Variants in DNAH9 observed in about 807,000 individuals in gnomAD.
The protein encoded by DNAH9 is DNAH9 variant protein.
Under a neutral mutation model 471.6 loss-of-function variants are expected in DNAH9, and 345 were observed. The ratio of observed to expected loss-of-function variants is 0.73; its 90% confidence interval spans 0.67 to 0.80. The LOEUF is 0.80. DNAH9 is among the 30% of genes least tolerant of loss of function. The pLI, the probability that DNAH9 is intolerant of heterozygous loss-of-function variation, is 0.00. For synonymous variants in DNAH9, 2,093 were observed against 2,123.6 expected (o/e 0.99, Z 0.40); for missense variants, 5,407 against 5,609.2 (o/e 0.96, Z 1.15).
At chr17:11,792,508 C>T (rs186311190) in intron 41 of DNAH9, among the ~76,000 whole-genome samples, 1 of 152,208 alleles carries the variant, frequency 6.6e-6, no homozygotes, top group East Asian at 1.9e-4. Context: ...GTGGTCTCCA[C>T]CTTTCAGTAA....
chr17:11,647,259 A>G, intron 12 of DNAH9, 61 bp downstream of exon 12: 2 of 1,517,990 alleles, frequency 1.3e-6, no homozygotes, highest in Non-Finnish European at 1.8e-6. Flanking sequence ...AACTCTGCTG[A>G]TTTCAAAAGC....
At chr17:11,841,721 C>A (rs1971040946) in intron 49 of DNAH9, among the ~76,000 whole-genome samples, 2 of 152,004 alleles carry the variant, frequency 1.3e-5, no homozygotes, top group African/African-American at 4.8e-5. Context: ...TCCTTGTGGG[C>A]AAATTGTGAG....
intron 48 of DNAH9, among the ~76,000 whole-genome samples, chr17:11,826,827 T>C (rs1015436578): frequency 4.9e-5 from 7 of 142,942 alleles, no homozygotes; most frequent in Admixed American, 2.8e-4. Flanking sequence ...TTTCTTTTTT[T>C]TTTTTTTTTT....
At chr17:11,762,758 G>GTTTTTTTTTTTTTTTTTTT (rs111963634) in intron 35 of DNAH9, among the ~76,000 whole-genome samples, 31 of 94,760 alleles carry the variant, frequency 3.3e-4, no homozygotes, top group Middle Eastern at 7.0e-3. Context: ...CTTTAGGTGC[G>GTTTTTTTTTTTTTTTTTTT]TTTTTTTTTT....
In DNAH9 at chr17:11,969,481, C is replaced by G. The variant is rs781741284; in HGVS notation, c.13415C>G (p.Pro4472Arg). 1.9e-6 allele frequency: 3 copies of G among 1,613,628 alleles called. No individual in the cohort carries two copies. The African/African-American group carries it at 4.0e-5, about 22-fold the overall frequency. Reference sequence around the variant, plus strand: ...TTCAACCTGAAGACTAAGGAAAACCCATCCAAGTGGGTTCTGGCTGGAGTA... The same window carrying G: ...TTCAACCTGAAGACTAAGGAAAACCGATCCAAGTGGGTTCTGGCTGGAGTA... The part of the protein sequence containing the change: ...WTFNLKTKEN[P>R]SKWVLAGVAL... The change falls in exon 69 of 69, where the codon CCA becomes CGA. Residue 4472 changes from proline to arginine, a missense_variant. Coordinates refer to ENST00000262442, the MANE Select transcript of DNAH9 (RefSeq NM_001372.4).
At chr17:11,864,792 C>T (rs1971983560) in intron 50 of DNAH9, among the ~76,000 whole-genome samples, 1 of 151,414 alleles carries the variant, frequency 6.6e-6, no homozygotes, top group Non-Finnish European at 1.5e-5. Context: ...TTCTTTGTCT[C>T]TTTTGATCTT....
At chr17:11,656,139 C>T (rs890826037) in intron 14 of DNAH9, among the ~76,000 whole-genome samples, 3 of 152,142 alleles carry the variant, frequency 2.0e-5, no homozygotes, top group African/African-American at 7.2e-5. Flanking sequence ...GGAATCTCCA[C>T]AGTGTTTTTC....
intron 5 of DNAH9, among the ~76,000 whole-genome samples, chr17:11,618,592 A>AG (rs992916184): frequency 6.6e-6 from 1 of 151,512 alleles, no homozygotes; most frequent in Non-Finnish European, 1.5e-5. Flanking sequence ...CTCAAAAAAA[A>AG]AAAAAAGAAC....
intron 6 of DNAH9, among the ~76,000 whole-genome samples, chr17:11,624,322 A>G (rs1260373987): frequency 6.6e-6 from 1 of 152,144 alleles, no homozygotes; most frequent in Non-Finnish European, 1.5e-5. Flanking sequence ...AAGCCTGGCC[A>G]ACATGGTGAA....
intron 45 of DNAH9, among the ~76,000 whole-genome samples, chr17:11,819,119 T>G (rs1371144094): frequency 6.6e-6 from 1 of 152,080 alleles, no homozygotes; most frequent in Non-Finnish European, 1.5e-5. Context: ...TTTCTTTGAC[T>G]TGAAGTGACA....
Position 11,868,341 on chromosome 17 carries a change from CCA to C in DNAH9, c.9934-792_9934-791del, listed in dbSNP as rs529342160. Among the ~76,000 whole-genome samples, 29 of 152,172 alleles carry C rather than the reference CCA, an allele frequency of 1.9e-4. No homozygotes were observed. In the South Asian group the frequency reaches 5.0e-3, roughly 26 times the overall value. On this transcript the variant is annotated intron_variant, in intron 50 of 68. Transcript: ENST00000262442. ...AATGACCAACAAAGCAGCCTGAACC[CCA>C]GTTATTGCACAGACCTGAGATGTAT...
Position 11,629,514 on chromosome 17 carries a change from A to G in DNAH9, c.1448A>G (p.His483Arg), listed in dbSNP as rs771447371. The G allele has an allele frequency of 6.2e-7, 1 of 1,614,164 alleles. No homozygotes were observed. The highest frequency in any genetic ancestry group is 8.5e-7 in the Non-Finnish European group (1 of 1,180,016). The change falls in exon 7 of 69, where the codon CAT becomes CGT. Residue 483 changes from histidine to arginine, a missense_variant. Coordinates refer to ENST00000262442, the MANE Select transcript of DNAH9 (RefSeq NM_001372.4). ...CTGAGTCAGCAGGTCCAGCAAATGC[A>G]TGAAGAATTTCAAGAGATGTACAGG... The part of the protein sequence containing the change: ...NALSQQVQQM[H>R]EEFQEMYRLL...
intron 51 of DNAH9, 128 bp from the exon 52 acceptor site, chr17:11,871,470 G>T: frequency 1.3e-6 from 1 of 795,110 alleles, no homozygotes. Flanking sequence ...AACGGAAAGG[G>T]CCATATAAGT....
chr17:11,640,581 C>T (rs2073252915), intron 10 of DNAH9, among the ~76,000 whole-genome samples, 197 bp downstream of exon 10: 1 of 152,180 alleles, frequency 6.6e-6, no homozygotes, highest in African/African-American at 2.4e-5. Flanking sequence ...GGGCAGGGCC[C>T]TTGGTGTTAA....
At chr17:11,875,604 A>G (rs1293069134) in intron 53 of DNAH9, 2 of 160,446 alleles carry the variant, frequency 1.2e-5, no homozygotes, top group African/African-American at 4.8e-5. Context: ...GCCACATACA[A>G]AGAACAAAAC....
At chr17:11,879,197 G>T (rs1455656265) in intron 53 of DNAH9, among the ~76,000 whole-genome samples, 2 of 152,054 alleles carry the variant, frequency 1.3e-5, no homozygotes, top group Non-Finnish European at 2.9e-5. Context: ...AGAGGGCGGG[G>T]TAGGAGTTAT....
chr17:11,665,117 G>A lies in DNAH9; in HGVS notation c.2731+149G>A, dbSNP rs2073845316. ...GAATGATGCACAGGAAAACAGAAAA[G>A]GTATCGAACTTCTAAATTGTTCAAA... On this transcript the variant is annotated intron_variant, in intron 15 of 68. Transcript: ENST00000262442. 32 of 690,186 alleles carry A rather than the reference G, an allele frequency of 4.6e-5. No individual in the cohort carries two copies. The East Asian group carries it at 7.8e-4, about 17-fold the overall frequency. 42.8% of individuals were successfully genotyped at this position (690,186 alleles called of 1,614,324 possible).
intron 20 of DNAH9, among the ~76,000 whole-genome samples, chr17:11,692,065 G>A (rs559766065): frequency 1.0e-4 from 1 of 9,554 alleles, no homozygotes; most frequent in African/African-American, 1.8e-4. Flanking sequence ...GCCTCCCAAA[G>A]TGCTGGATTA....
At chr17:11,637,983 G>T (rs1462502086) in intron 9 of DNAH9, among the ~76,000 whole-genome samples, 1 of 151,916 alleles carries the variant, frequency 6.6e-6, no homozygotes, top group East Asian at 1.9e-4. Flanking sequence ...GATATGAGAG[G>T]ATATGGAATG....
Sources: allele counts gnomAD v4.1 joint callset (sites outside exome capture counted in the v4.1 genomes callset), GRCh38; gene constraint gnomAD v4.1.1; transcripts MANE v1.5; gene names NCBI Gene and HGNC (gene_info 2026-07-23, HGNC 2026-07-21).